EPHB1: variants seen among roughly 807,000 people sequenced by gnomAD.
The protein encoded by EPHB1 is ephrin type-B receptor 1.
Under a neutral mutation model 94.4 loss-of-function variants are expected in EPHB1, and 30 were observed. The observed-to-expected ratio is 0.32, with a 90% confidence interval of 0.24 to 0.43. The LOEUF is 0.43. Among genes scored for constraint, EPHB1 ranks in the 20% least tolerant of loss-of-function variants. The pLI is 1.00. For synonymous variants in EPHB1, 522 were observed against 489.1 expected (o/e 1.07, Z -0.89); for missense variants, 1,055 against 1,308.3 (o/e 0.81, Z 2.99).
In EPHB1 at chr3:135,091,353, T is replaced by C. The variant is rs552790934; in HGVS notation, c.806-15095T>C. Among the ~76,000 whole-genome samples the C allele has an allele frequency of 6.2e-4, 94 of 152,326 alleles. 1 individual carries two copies. Among genetic ancestry groups the C allele is most frequent in the African/African-American group, 2.2e-3 (91 of 41,564 alleles). The stretch of plus-strand genomic sequence containing the variant: ...TGCACCTCTGGCCAAGTCATTGCCT[T>C]CTCTGGGCCTCATTTTTGCCATCAT... On this transcript the variant is annotated intron_variant, in intron 3 of 15. Transcript: ENST00000398015.
At chr3:135,157,210 G>A (rs369876013) in intron 6 of EPHB1, among the ~76,000 whole-genome samples, 1 of 152,170 alleles carries the variant, frequency 6.6e-6, no homozygotes, top group Non-Finnish European at 1.5e-5. Flanking sequence ...TGCTGGGAAG[G>A]GAAAGAATAT....
At chr3:135,174,756 T>C (rs1941927307) in intron 9 of EPHB1, among the ~76,000 whole-genome samples, 1 of 152,208 alleles carries the variant, frequency 6.6e-6, no homozygotes, top group Non-Finnish European at 1.5e-5. Flanking sequence ...CCCTTGTGCT[T>C]AAATATCTGG....
intron 12 of EPHB1, among the ~76,000 whole-genome samples, chr3:135,208,583 G>A (rs1942960989): frequency 6.6e-6 from 1 of 152,170 alleles, no homozygotes; most frequent in Non-Finnish European, 1.5e-5. Context: ...GTGTGAATGG[G>A]CTGCTGGCTC....
At chr3:134,941,591 A>G (rs1205476358) in intron 2 of EPHB1, among the ~76,000 whole-genome samples, 1 of 152,236 alleles carries the variant, frequency 6.6e-6, no homozygotes, top group Admixed American at 6.5e-5. Flanking sequence ...CTGAAATTCA[A>G]ATCCACTCTT....
chr3:134,797,542 C>T (rs1015798619), intron 1 of EPHB1, among the ~76,000 whole-genome samples: 2 of 152,136 alleles, frequency 1.3e-5, no homozygotes, highest in Admixed American at 1.3e-4. Flanking sequence ...AGCGTGCTCT[C>T]GGCATTGGGT....
intron 1 of EPHB1, among the ~76,000 whole-genome samples, chr3:134,816,345 C>T (rs1446650452): frequency 5.9e-5 from 9 of 151,970 alleles, no homozygotes; most frequent in Admixed American, 5.2e-4. Context: ...CCGCCCACCT[C>T]GCCTCCCAAA....
intron 1 of EPHB1, among the ~76,000 whole-genome samples, chr3:134,860,174 C>G (rs202177600): frequency 4.5e-4 from 51 of 113,534 alleles, no homozygotes; most frequent in African/African-American, 1.4e-3. Flanking sequence ...CACACACAGA[C>G]ACACACACAC....
chr3:134,997,044 CT>C (rs1203904755), intron 3 of EPHB1, among the ~76,000 whole-genome samples: 4 of 152,108 alleles, frequency 2.6e-5, no homozygotes, highest in African/African-American at 9.7e-5. Context: ...TTTTATCATA[CT>C]ACTTTTATGG....
chr3:134,939,049 A>G (rs547174945), intron 2 of EPHB1, among the ~76,000 whole-genome samples: 1 of 152,064 alleles, frequency 6.6e-6, no homozygotes. Flanking sequence ...GCTTGAAGCC[A>G]CTTTCTCCAC....
At chr3:134,838,969 T>C (rs540683035) in intron 1 of EPHB1, among the ~76,000 whole-genome samples, 2 of 152,354 alleles carry the variant, frequency 1.3e-5, no homozygotes, top group South Asian at 4.1e-4. Flanking sequence ...AAATTATTTC[T>C]TTTCTACTAT....
intron 1 of EPHB1, among the ~76,000 whole-genome samples, chr3:134,912,676 G>C (rs1021638467): frequency 6.6e-6 from 1 of 152,232 alleles, no homozygotes; most frequent in Non-Finnish European, 1.5e-5. Flanking sequence ...TGGCCTGGGA[G>C]TGGGTGGGGC....
chr3:134,804,745 A>G (rs572115225), intron 1 of EPHB1, among the ~76,000 whole-genome samples: 1 of 152,216 alleles, frequency 6.6e-6, no homozygotes, highest in East Asian at 1.9e-4. Context: ...GCTTTTATCC[A>G]TCTGGCCAGG....
intron 3 of EPHB1, among the ~76,000 whole-genome samples, chr3:134,963,687 C>T (rs1933619433): frequency 6.6e-6 from 1 of 152,118 alleles, no homozygotes; most frequent in Admixed American, 6.5e-5. Flanking sequence ...GATCATACAA[C>T]ACAGGACTTG....
At chr3:135,116,584 T>G (rs1939724850) in intron 4 of EPHB1, among the ~76,000 whole-genome samples, 1 of 152,214 alleles carries the variant, frequency 6.6e-6, no homozygotes, top group South Asian at 2.1e-4. Flanking sequence ...GAGTCACCAC[T>G]GCCAGTCAGT....
intron 3 of EPHB1, chr3:134,977,943 C>T (rs1421216070): frequency 4.4e-6 from 2 of 455,892 alleles, no homozygotes; most frequent in Admixed American, 4.7e-5. Flanking sequence ...CTGATGCCAT[C>T]CATTCTGTTT....
At chr3:134,878,319 C>T (rs2037658975) in intron 1 of EPHB1, among the ~76,000 whole-genome samples, 1 of 152,184 alleles carries the variant, frequency 6.6e-6, no homozygotes, top group African/African-American at 2.4e-5. Context: ...TTACTCTACT[C>T]TTAATGGAGA....
chr3:135,002,977 T>C (rs1935240559), intron 3 of EPHB1, among the ~76,000 whole-genome samples: 1 of 152,258 alleles, frequency 6.6e-6, no homozygotes, highest in South Asian at 2.1e-4. Context: ...GCTCTGATTT[T>C]AGTTATTTCT....
intron 1 of EPHB1, among the ~76,000 whole-genome samples, chr3:134,875,321 G>A (rs992417251): frequency 3.3e-5 from 5 of 152,134 alleles, no homozygotes; most frequent in East Asian, 1.9e-4. Flanking sequence ...TTGTGTTGGC[G>A]GACAGAGGGG....
intron 3 of EPHB1, among the ~76,000 whole-genome samples, chr3:135,008,146 G>A (rs987113314): frequency 2.6e-5 from 4 of 152,192 alleles, no homozygotes; most frequent in African/African-American, 9.7e-5. Flanking sequence ...GGCATGCAGG[G>A]CAAAGCATCA....
Sources: allele counts gnomAD v4.1 joint callset (sites outside exome capture counted in the v4.1 genomes callset), GRCh38; gene constraint gnomAD v4.1.1; transcripts MANE v1.5; gene names NCBI Gene and HGNC (gene_info 2026-07-23, HGNC 2026-07-21).